The following TRIM44 variants were observed in gnomAD, a reference collection of about 807,000 sequenced individuals.
TRIM44 encodes tripartite motif-containing protein 44.
A neutral mutation model predicts 37.4 loss-of-function variants in TRIM44; 13 were observed. The observed-to-expected ratio is 0.35, with a 90% confidence interval of 0.23 to 0.55. The LOEUF (loss-of-function observed/expected upper bound fraction) is 0.55. TRIM44 is among the 20% of genes least tolerant of loss of function. TRIM44 has a pLI of 0.89. For synonymous variants in TRIM44, 175 were observed against 157.2 expected (o/e 1.11, Z -0.85); for missense variants, 426 against 437.2 (o/e 0.97, Z 0.23).
At chr11:35,697,722 T>G (rs1016480006) in intron 2 of TRIM44, among the ~76,000 whole-genome samples, 2 of 151,894 alleles carry the variant, frequency 1.3e-5, no homozygotes, top group African/African-American at 4.8e-5. Context: ...TTTGTCCTTG[T>G]GATAGTTTGT....
At chr11:35,695,940 A>G (rs1014341719) in intron 2 of TRIM44, among the ~76,000 whole-genome samples, 5 of 150,986 alleles carry the variant, frequency 3.3e-5, no homozygotes, top group African/African-American at 1.2e-4. Context: ...CAAATCTGTA[A>G]TCTGTTTACC....
intron 2 of TRIM44, among the ~76,000 whole-genome samples, chr11:35,713,502 C>CT (rs34352321): frequency 0.46 from 64,469 of 140,068 alleles, 14,553 homozygotes; most frequent in Admixed American, 0.51. Context: ...ATATGACATG[C>CT]TTTTTTTTTT....
In TRIM44 at chr11:35,808,782, C is replaced by G. The variant is rs2133887811; in HGVS notation, c.*2397C>G. 1 of 152,362 alleles carries G rather than the reference C, an allele frequency of 6.6e-6. No homozygotes were observed. Among genetic ancestry groups the G allele is most frequent in the African/African-American group, 2.4e-5 (1 of 41,592 alleles). The allele number at this position is 152,362 out of a possible 1,614,324, so 9.4% of individuals were successfully genotyped here. A position where few individuals can be genotyped will look rare whatever the true frequency, so the allele number is the denominator to read the frequency against. On this transcript the variant is annotated 3_prime_UTR_variant, in exon 5 of 5. Coordinates refer to ENST00000299413, the MANE Select transcript of TRIM44 (RefSeq NM_017583.6). ...AGCTTTTGCCCAGGCTTCTAAGTTC[C>G]TGCCGGCAGCATTTATCAATGTAAG...
intron 4 of TRIM44, among the ~76,000 whole-genome samples, chr11:35,803,241 C>A (rs634229): frequency 6.6e-6 from 1 of 151,270 alleles, no homozygotes; most frequent in South Asian, 2.1e-4. Flanking sequence ...TGCTATAGAA[C>A]GTGCTGTCTG....
At position 35,809,439 on chromosome 11, in the gene TRIM44, G is replaced by GTT. The variant is rs1853500470; in HGVS notation, c.*3055_*3056dup. 6.6e-6 allele frequency: 1 copy of GTT among 152,272 alleles called. No individual in the cohort carries two copies. Among genetic ancestry groups the GTT allele is most frequent in the East Asian group, 1.9e-4 (1 of 5,186 alleles). 9.4% of individuals were successfully genotyped at this position (152,272 alleles called of 1,614,324 possible). On this transcript the variant is annotated 3_prime_UTR_variant, in exon 5 of 5. Coordinates refer to ENST00000299413, the MANE Select transcript of TRIM44 (RefSeq NM_017583.6). ...ATCTTCTTCAAAATGACATTTCACA[G>GTT]TTATAGTTAGGGCTCAGAAATGGCA...
At chr11:35,743,448 T>C (rs749344767) in intron 4 of TRIM44, among the ~76,000 whole-genome samples, 9 of 152,228 alleles carry the variant, frequency 5.9e-5, no homozygotes, top group Non-Finnish European at 1.3e-4. Flanking sequence ...ACATTTTTGT[T>C]TCCCCATCAA....
Position 35,816,840 on chromosome 11 carries a change from T to A in TRIM44, c.*10455T>A, listed in dbSNP as rs1341064009. ...CTTAGAAATGGTAGCTTCTGACTGT[T>A]GTGCTGGAGTCCTGTTAGAGATTCA... On this transcript the variant is annotated 3_prime_UTR_variant, in exon 5 of 5. Coordinates refer to ENST00000299413, the MANE Select transcript of TRIM44 (RefSeq NM_017583.6). 1 of 152,278 alleles carries A rather than the reference T, an allele frequency of 6.6e-6. No individual in the cohort carries two copies. Among genetic ancestry groups the A allele is most frequent in the Non-Finnish European group, 1.5e-5 (1 of 68,086 alleles). The allele number at this position is 152,278 out of a possible 1,614,324, so 9.4% of individuals were successfully genotyped here. A position where few individuals can be genotyped will look rare whatever the true frequency, so the allele number is the denominator to read the frequency against.
chr11:35,734,993 G>GTTC (rs1852310945), intron 3 of TRIM44, among the ~76,000 whole-genome samples: 1 of 152,176 alleles, frequency 6.6e-6, no homozygotes, highest in African/African-American at 2.4e-5. Context: ...GAATTGCAGT[G>GTTC]TTCATGTTTG....
chr11:35,794,414 A>T (rs1210567896), intron 4 of TRIM44, among the ~76,000 whole-genome samples: 2 of 152,232 alleles, frequency 1.3e-5, no homozygotes, highest in Non-Finnish European at 2.9e-5. Flanking sequence ...ACATTTCTTC[A>T]TGGAGGTGAA....
chr11:35,775,722 G>T (rs889348124), intron 4 of TRIM44, among the ~76,000 whole-genome samples: 2 of 152,174 alleles, frequency 1.3e-5, no homozygotes, highest in African/African-American at 4.8e-5. Flanking sequence ...CATCTATTGA[G>T]ATAATCATTT....
Position 35,814,047 on chromosome 11 carries a change from C to T in TRIM44, c.*7662C>T, listed in dbSNP as rs1379734418. 2 of 152,158 alleles carry T rather than the reference C, an allele frequency of 1.3e-5. No individual in the cohort carries two copies. Among genetic ancestry groups the T allele is most frequent in the African/African-American group, 4.8e-5 (2 of 41,436 alleles). 9.4% of individuals were successfully genotyped at this position (152,158 alleles called of 1,614,324 possible). On this transcript the variant is annotated 3_prime_UTR_variant, in exon 5 of 5. Coordinates refer to ENST00000299413, the MANE Select transcript of TRIM44 (RefSeq NM_017583.6). ...AATTCTGTTACAACAAATACTGCTA[C>T]CATAAAAGTCACTTAAGCATCCCTG...
intron 2 of TRIM44, among the ~76,000 whole-genome samples, chr11:35,713,756 T>G (rs1852006912): frequency 6.6e-6 from 1 of 151,786 alleles, no homozygotes; most frequent in Non-Finnish European, 1.5e-5. Context: ...CTTAAGGGAG[T>G]AGAGTAGGGT....
chr11:35,804,752 A>T (rs2133885395), intron 4 of TRIM44, among the ~76,000 whole-genome samples: 1 of 152,236 alleles, frequency 6.6e-6, no homozygotes, highest in African/African-American at 2.4e-5. Flanking sequence ...TGCACCCTTC[A>T]TCCCATGATT....
intron 4 of TRIM44, among the ~76,000 whole-genome samples, chr11:35,741,357 A>T (rs986711176): frequency 6.6e-6 from 1 of 152,204 alleles, no homozygotes; most frequent in Non-Finnish European, 1.5e-5. Context: ...TACCCAAAGC[A>T]TACCTCCTTG....
At chr11:35,784,860 A>G (rs1853109519) in intron 4 of TRIM44, among the ~76,000 whole-genome samples, 1 of 152,180 alleles carries the variant, frequency 6.6e-6, no homozygotes, top group African/African-American at 2.4e-5. Context: ...CTGTTTCATA[A>G]TGAGTACTTT....
chr11:35,794,437 G>T (rs1409719579), intron 4 of TRIM44, among the ~76,000 whole-genome samples: 1 of 152,142 alleles, frequency 6.6e-6, no homozygotes, highest in Non-Finnish European at 1.5e-5. Flanking sequence ...TGTTCTTCAG[G>T]TTTCTTTGTT....
chr11:35,756,793 T>C (rs905882595), intron 4 of TRIM44, among the ~76,000 whole-genome samples: 1 of 152,240 alleles, frequency 6.6e-6, no homozygotes, highest in African/African-American at 2.4e-5. Context: ...GTTCTGTTTA[T>C]ATGCTGGATT....
Position 35,682,089 on chromosome 11 carries a change from G to C in TRIM44, c.670-3170G>C, listed in dbSNP as rs557045511. Among the ~76,000 whole-genome samples, 138 of 151,242 alleles carry C rather than the reference G, an allele frequency of 9.1e-4. 1 individual carries two copies. Among genetic ancestry groups the C allele is most frequent in the African/African-American group, 3.2e-3 (132 of 41,176 alleles). On this transcript the variant is annotated intron_variant, in intron 1 of 4. Coordinates refer to ENST00000299413, the MANE Select transcript of TRIM44 (RefSeq NM_017583.6). The stretch of plus-strand genomic sequence containing the variant: ...TTCTCCTGCCTCAGCCTCCCGAGTA[G>C]CTGGGCTATGTCCCATGCTTTTGAA...
At chr11:35,695,110 T>C (rs889823079) in intron 2 of TRIM44, among the ~76,000 whole-genome samples, 6 of 152,182 alleles carry the variant, frequency 3.9e-5, no homozygotes, top group Non-Finnish European at 8.8e-5. Flanking sequence ...GACCAAACAT[T>C]GTTTATAAAC....
Sources: allele counts gnomAD v4.1 joint callset (sites outside exome capture counted in the v4.1 genomes callset), GRCh38; gene constraint gnomAD v4.1.1; transcripts MANE v1.5; gene names NCBI Gene and HGNC (gene_info 2026-07-23, HGNC 2026-07-21).